Variants in CYP20A1 observed in about 807,000 individuals in gnomAD.
CYP20A1 encodes the protein cytochrome P450 20A1.
Under a neutral mutation model 61.4 loss-of-function variants are expected in CYP20A1, and 61 were observed. The ratio of observed to expected loss-of-function variants is 0.99; its 90% CI spans 0.81 to 1.23. The LOEUF is 1.23. Among genes scored for constraint, CYP20A1 ranks in the 50% most tolerant of loss-of-function variants. The probability of loss-of-function intolerance (pLI) is 0.00; values close to 1 mark genes in which losing one functional copy is unlikely to be tolerated. For synonymous variants in CYP20A1, 193 were observed against 188.2 expected (o/e 1.03, Z -0.21); for missense variants, 530 against 542.4 (o/e 0.98, Z 0.23).
intron 4 of CYP20A1, chr2:203,259,803 A>G (rs180717968): frequency 0.011 from 1,617 of 149,664 alleles, 14 homozygotes; most frequent in Non-Finnish European, 0.018. Flanking sequence ...GAATCGCTTG[A>G]ACCTGGCTAA....
rs200278890 is a variant in CYP20A1 at position 203,294,168 on chromosome 2, ATTTATT to A, written c.1148+1858_1148+1863del. ...CCTGGCTAATTTTTTTTAATTTTTA[ATTTATT>A]TTTATTTTTATTTTTTTCGAGACAG... is the stretch of plus-strand genomic sequence containing the variant. On this transcript the variant is annotated intron_variant, in intron 11 of 12. Coordinates refer to ENST00000356079, the MANE Select transcript of CYP20A1 (RefSeq NM_177538.3). 2.1e-3 allele frequency among the ~76,000 whole-genome samples: 325 copies of A among 151,928 alleles called. 5 individuals carry two copies. In the East Asian group the frequency reaches 0.052, roughly 24 times the overall value.
In CYP20A1 at chr2:203,252,039, A is replaced by T; in HGVS notation, c.362A>T (p.His121Leu). 6.2e-7 allele frequency: 1 copy of T among 1,611,578 alleles called. No homozygotes were observed. The highest frequency in any genetic ancestry group is 8.5e-7 in the Non-Finnish European group (1 of 1,178,828). The stretch of plus-strand genomic sequence containing the variant: ...GGTGGTGGCAGTGTGAGTGAAAACC[A>T]CATGAGGAAAAAATTGTATGAAAAT... ...QSGGGSVSEN[H>L]MRKKLYENGV... Residue 121 changes from histidine to leucine, a missense_variant, in exon 4 of 13, where the codon CAC becomes CTC. His to Leu is a moderately conservative substitution (Grantham distance 99). Transcript: ENST00000356079.
chr2:203,272,550 C>A (rs377422057), intron 5 of CYP20A1, 120 bp from the exon 6 acceptor site: 1,010 of 132,208 alleles, frequency 7.6e-3, no homozygotes, highest in African/African-American at 0.012. Context: ...AACCCTGACT[C>A]AAAAAAAAAA....
chr2:203,253,390 C>T (rs867346527), intron 4 of CYP20A1, among the ~76,000 whole-genome samples: 2 of 152,152 alleles, frequency 1.3e-5, no homozygotes, highest in South Asian at 4.1e-4. Flanking sequence ...GGGCTCCATC[C>T]TCCAGAGGCA....
chr2:203,295,815 G>A (rs2068767520), intron 11 of CYP20A1, among the ~76,000 whole-genome samples: 1 of 152,080 alleles, frequency 6.6e-6, no homozygotes, highest in Non-Finnish European at 1.5e-5. Context: ...TGGGTGTGGT[G>A]GTGTGCACCT....
chr2:203,246,100 T>C (rs1559084016), intron 2 of CYP20A1, among the ~76,000 whole-genome samples: 1 of 152,154 alleles, frequency 6.6e-6, no homozygotes, highest in East Asian at 1.9e-4. Flanking sequence ...AGCCAGACCC[T>C]GTTTCTAAAA....
At chr2:203,252,164 T>G (rs2351771) in intron 4 of CYP20A1, 55 bp downstream of exon 4, 1,324,938 of 1,400,298 alleles carry the variant, frequency 0.95, 628,877 homozygotes, top group Non-Finnish European at 0.96. Context: ...ATAGTATTTA[T>G]TTTTTGAGTA....
At chr2:203,239,366 C>G (rs1316051503) in intron 1 of CYP20A1, among the ~76,000 whole-genome samples, 1 of 152,024 alleles carries the variant, frequency 6.6e-6, no homozygotes, top group African/African-American at 2.4e-5. Flanking sequence ...CCGGGCCAGG[C>G]GGGCGTAGAG....
At position 203,301,266 on chromosome 2, in the gene CYP20A1, T is replaced by C. The variant is rs1328460126; in HGVS notation, c.*4358T>C. Among the ~76,000 whole-genome samples, 1 of 151,268 alleles carries C rather than the reference T, an allele frequency of 6.6e-6. No homozygotes were observed. The highest frequency in any genetic ancestry group is 1.5e-5 in the Non-Finnish European group (1 of 67,810). On this transcript the variant is annotated 3_prime_UTR_variant, in exon 13 of 13. Transcript: ENST00000356079. Reference sequence around the variant, plus strand: ...TTTCTTTCTTTCTTTTCTTTTCTTTTTTTTTTTTGAGGCACAGTCTTGCTT... The same window carrying C: ...TTTCTTTCTTTCTTTTCTTTTCTTTCTTTTTTTTGAGGCACAGTCTTGCTT...
chr2:203,244,953 C>G (rs1399219943), intron 1 of CYP20A1, among the ~76,000 whole-genome samples: 2 of 146,882 alleles, frequency 1.4e-5, no homozygotes, highest in African/African-American at 2.5e-5. Flanking sequence ...AGGATGGTCT[C>G]TATCTCCTGA....
intron 11 of CYP20A1, among the ~76,000 whole-genome samples, chr2:203,292,957 C>T (rs538545688): frequency 3.7e-4 from 57 of 152,028 alleles, no homozygotes; most frequent in African/African-American, 1.4e-3. Context: ...GGGCGGATCA[C>T]AAGGTCATGA....
At chr2:203,259,333 TC>T (rs1001647322) in intron 4 of CYP20A1, among the ~76,000 whole-genome samples, 2 of 152,190 alleles carry the variant, frequency 1.3e-5, no homozygotes, top group African/African-American at 4.8e-5. Flanking sequence ...TGAATTGTAA[TC>T]CCCAGTGTTG....
At chr2:203,272,564 A>AAT in intron 5 of CYP20A1, 106 bp from the exon 6 acceptor site, 1 of 550,850 alleles carries the variant, frequency 1.8e-6, no homozygotes, top group South Asian at 3.3e-5. Context: ...AAAAAAAAAA[A>AAT]AAAAAAAGAG....
rs36041824 is a variant in CYP20A1 at position 203,243,685 on chromosome 2, C to CT, written c.73-2139dup. Among the ~76,000 whole-genome samples, 378 of 75,562 alleles carry CT rather than the reference C, an allele frequency of 5.0e-3. 10 individuals are homozygous for CT. The highest frequency in any genetic ancestry group is 0.015 in the African/African-American group (310 of 20,274). 49.6% of individuals were successfully genotyped at this position (75,562 alleles called of 152,430 possible). ...AGGTATGAGCCACTGCGCCTGGCCTCTTTTTTTTTTTTTTTTTTTTTTGAG... is the reference window on the plus strand; with the variant it reads ...AGGTATGAGCCACTGCGCCTGGCCTCTTTTTTTTTTTTTTTTTTTTTTTGAG... On this transcript the variant is annotated intron_variant, in intron 1 of 12. Coordinates refer to ENST00000356079, the MANE Select transcript of CYP20A1 (RefSeq NM_177538.3).
At chr2:203,282,939 A>G (rs1263246766) in intron 8 of CYP20A1, among the ~76,000 whole-genome samples, 1 of 152,164 alleles carries the variant, frequency 6.6e-6, no homozygotes, top group Non-Finnish European at 1.5e-5. Flanking sequence ...TTCAGTCATC[A>G]TTTTTAAGAG....
At chr2:203,262,136 T>G (rs538938164) in intron 4 of CYP20A1, among the ~76,000 whole-genome samples, 23 of 152,214 alleles carry the variant, frequency 1.5e-4, no homozygotes, top group Non-Finnish European at 2.6e-4. Context: ...TTCTAGCACC[T>G]TATACTGAGA....
At chr2:203,255,905 C>T (rs1225165655) in intron 4 of CYP20A1, among the ~76,000 whole-genome samples, 1 of 152,152 alleles carries the variant, frequency 6.6e-6, no homozygotes, top group African/African-American at 2.4e-5. Flanking sequence ...TTAAATGTCA[C>T]TTCCCCAGGG....
At chr2:203,283,642 G>A (rs1401166833) in intron 8 of CYP20A1, among the ~76,000 whole-genome samples, 2 of 145,814 alleles carry the variant, frequency 1.4e-5, no homozygotes, top group South Asian at 4.4e-4. Context: ...TCTGCCTCCC[G>A]GGTTCAAGCA....
At position 203,292,170 on chromosome 2, in the gene CYP20A1, T is replaced by G. The variant is rs772436191; in HGVS notation, c.1084-92T>G. Reference sequence around the variant, plus strand: ...TTAAATTATTATTTTGTATTCAATATCTATATTAAAAGAAGTTTGGAATAA... The same window carrying G: ...TTAAATTATTATTTTGTATTCAATAGCTATATTAAAAGAAGTTTGGAATAA... On this transcript the variant is annotated intron_variant, in intron 10 of 12. Transcript: ENST00000356079. 136 of 705,234 alleles carry G rather than the reference T, an allele frequency of 1.9e-4. 3 individuals carry two copies. Among genetic ancestry groups the G allele is most frequent in the Middle Eastern group, 2.5e-4 (1 of 4,034 alleles). 43.7% of individuals were successfully genotyped at this position (705,234 alleles called of 1,614,324 possible).
Sources: allele counts gnomAD v4.1 joint callset (sites outside exome capture counted in the v4.1 genomes callset), GRCh38; gene constraint gnomAD v4.1.1; transcripts MANE v1.5; gene names NCBI Gene and HGNC (gene_info 2026-07-23, HGNC 2026-07-21).